The following SLC66A3 variants were observed in gnomAD, a reference collection of about 807,000 sequenced individuals.
The protein encoded by SLC66A3 is PQ loop repeat containing 3.
In SLC66A3, 23 loss-of-function variants were observed where a neutral mutation model predicts 25.5. The ratio of observed to expected loss-of-function variants is 0.90; its 90% CI spans 0.65 to 1.28. SLC66A3 has a LOEUF of 1.28. SLC66A3 is among the 50% of genes most tolerant of loss of function. SLC66A3 has a pLI of 0.00. For synonymous variants in SLC66A3, 108 were observed against 112.6 expected (o/e 0.96, Z 0.26); for missense variants, 246 against 262.1 (o/e 0.94, Z 0.42).
intron 4 of SLC66A3, among the ~76,000 whole-genome samples, chr2:11,165,315 G>A (rs888018256): frequency 6.7e-6 from 1 of 149,962 alleles, no homozygotes; most frequent in East Asian, 2.0e-4. Flanking sequence ...GGGCGGCGGG[G>A]CAGAGGCGCT....
intron 5 of SLC66A3, among the ~76,000 whole-genome samples, chr2:11,172,474 G>A (rs988133832): frequency 6.6e-6 from 1 of 152,146 alleles, no homozygotes. Flanking sequence ...ACATTGTTTG[G>A]TCTCAACTTT....
intron 6 of SLC66A3, among the ~76,000 whole-genome samples, chr2:11,175,755 G>T (rs1445405944): frequency 1.3e-5 from 2 of 152,202 alleles, no homozygotes; most frequent in African/African-American, 2.4e-5. Flanking sequence ...AATTCCTTAG[G>T]CTGTTTTCAA....
rs770369205 is a variant in SLC66A3 at position 11,177,989 on chromosome 2, T to G, written c.*161T>G. 1.7e-6 allele frequency: 1 copy of G among 586,612 alleles called. No individual in the cohort carries two copies. Among genetic ancestry groups the G allele is most frequent in the Non-Finnish European group, 3.0e-6 (1 of 336,096 alleles). 36.3% of individuals were successfully genotyped at this position (586,612 alleles called of 1,614,324 possible). On this transcript the variant is annotated 3_prime_UTR_variant, in exon 7 of 7. Coordinates refer to ENST00000295083, the MANE Select transcript of SLC66A3 (RefSeq NM_152391.5). ...TTGAAAGAAAGAGCCACTTAAATTCTTGTTTAAAAATACCAATTTGCCTCC... is the reference window on the plus strand; with the variant it reads ...TTGAAAGAAAGAGCCACTTAAATTCGTGTTTAAAAATACCAATTTGCCTCC...
chr2:11,164,230 C>A lies in SLC66A3; in HGVS notation c.323C>A (p.Ala108Asp). The A allele has an allele frequency of 6.3e-7, 1 of 1,576,354 alleles. No individual in the cohort carries two copies. The highest frequency in any genetic ancestry group is 8.6e-7 in the Non-Finnish European group (1 of 1,164,370). Residue 108 changes from alanine to aspartate, a missense_variant, in exon 4 of 7, where the codon GCC becomes GAC. Ala to Asp is a moderately radical substitution (Grantham distance 126). Around this residue, in one of 3 missense-constraint regions of SLC66A3, gnomAD observed 11 missense variants for 29.2 expected, o/e 0.38. Coordinates refer to ENST00000295083, the MANE Select transcript of SLC66A3 (RefSeq NM_152391.5). ...AVLVSSWFIL[A>D]LQKWIIDLAM... The stretch of plus-strand genomic sequence containing the variant: ...TTGGTGTCTTCTTGGTTCATCCTTG[C>A]CCTGCAGAAGTGGATCATAGACCTG...
chr2:11,167,104 G>C (rs1662372422), intron 4 of SLC66A3, among the ~76,000 whole-genome samples: 1 of 152,222 alleles, frequency 6.6e-6, no homozygotes, highest in South Asian at 2.1e-4. Flanking sequence ...GCAGCTGTGA[G>C]CCTTCACCCC....
rs946970000 is a variant in SLC66A3, at chr2:11,160,047, G to C, written c.144-419G>C. Among the ~76,000 whole-genome samples the C allele has an allele frequency of 2.0e-5, 3 of 152,342 alleles. No individual in the cohort carries two copies. The East Asian group carries it at 5.8e-4, about 29-fold the overall frequency. ...CTCCTCGGATCCTTGCGCCTCTGCAGCTTCTCAGAGTGGAGGGCAGATGTG... is the reference window on the plus strand; with the variant it reads ...CTCCTCGGATCCTTGCGCCTCTGCACCTTCTCAGAGTGGAGGGCAGATGTG... On this transcript the variant is annotated intron_variant, in intron 1 of 6. Transcript: ENST00000295083.
At chr2:11,172,664 C>A in intron 5 of SLC66A3, 1 of 350,782 alleles carries the variant, frequency 2.9e-6, no homozygotes. Context: ...ATGTCTCCAT[C>A]CATGGTTGCT....
At chr2:11,166,826 C>T (rs1354243311) in intron 4 of SLC66A3, among the ~76,000 whole-genome samples, 1 of 152,190 alleles carries the variant, frequency 6.6e-6, no homozygotes, top group Non-Finnish European at 1.5e-5. Context: ...ACCCCGGAGG[C>T]GGAGCTTGCA....
At chr2:11,168,675 G>A (rs1027598058) in intron 4 of SLC66A3, among the ~76,000 whole-genome samples, 1 of 151,992 alleles carries the variant, frequency 6.6e-6, no homozygotes, top group African/African-American at 2.4e-5. Context: ...CCTCTGCTCT[G>A]TCCAGGTCTC....
At position 11,160,216 on chromosome 2, in the gene SLC66A3, AG is replaced by A. The variant is rs561536881; in HGVS notation, c.144-248del. The A allele has an allele frequency of 2.4e-3, 1,376 of 571,382 alleles. 3 individuals are homozygous for A. Among genetic ancestry groups the A allele is most frequent in the Non-Finnish European group, 3.5e-3 (1,128 of 320,628 alleles). The allele number at this position is 571,382 out of a possible 1,614,324, so 35.4% of individuals were successfully genotyped here. A position where few individuals can be genotyped will look rare whatever the true frequency, so the allele number is the denominator to read the frequency against. On this transcript the variant is annotated intron_variant, in intron 1 of 6. Transcript: ENST00000295083. ...AAATCCTTTGTAAGCGACCATCTCAAGGCACTCTATAGAGATCGTGGGTATT... is the reference window on the plus strand; with the variant it reads ...AAATCCTTTGTAAGCGACCATCTCAAGCACTCTATAGAGATCGTGGGTATT...
chr2:11,160,365 T>C (rs1662072681), intron 1 of SLC66A3, 101 bp from the exon 2 acceptor site: 6 of 971,332 alleles, frequency 6.2e-6, no homozygotes, highest in Non-Finnish European at 1.0e-5. Context: ...ACACCCCCAC[T>C]GCAAGGATTC....
At chr2:11,176,525 C>CTTTTT (rs775778444) in intron 6 of SLC66A3, among the ~76,000 whole-genome samples, 4 of 87,302 alleles carry the variant, frequency 4.6e-5, no homozygotes, top group South Asian at 5.0e-4. Context: ...CTGGGAATAA[C>CTTTTT]TTTTTTTTTT....
Position 11,155,558 on chromosome 2 carries a change from G to A in SLC66A3, c.12G>A (p.Ala4=), listed in dbSNP as rs1661858926. Residue 4 remains alanine (A), a synonymous_variant, in exon 1 of 7, where the codon GCG becomes GCA. Coordinates refer to ENST00000295083, the MANE Select transcript of SLC66A3 (RefSeq NM_152391.5). ...GCGCCCGTGGCGCTATGGAGGCGGC[G>A]CTGCTGGGGCTGTGTAACTGGAGCA... The part of the protein sequence containing the change: MEA[A]LLGLCNWSTL... 1.3e-6 allele frequency: 2 copies of A among 1,502,920 alleles called. No homozygotes were observed. The highest frequency in any genetic ancestry group is 1.8e-6 in the Non-Finnish European group (2 of 1,134,962). The allele number at this position is 1,502,920 out of a possible 1,614,324, so 93.1% of individuals were successfully genotyped here. A position where few individuals can be genotyped will look rare whatever the true frequency, so the allele number is the denominator to read the frequency against.
intron 5 of SLC66A3, among the ~76,000 whole-genome samples, chr2:11,174,489 T>TTTTTGTTTTG (rs917051343): frequency 6.6e-6 from 1 of 152,048 alleles, no homozygotes; most frequent in African/African-American, 2.4e-5. Flanking sequence ...GCATGGCTGT[T>TTTTTGTTTTG]TTTTGTTTTG....
At chr2:11,162,667 T>C (rs763825410) in intron 3 of SLC66A3, among the ~76,000 whole-genome samples, 1 of 152,186 alleles carries the variant, frequency 6.6e-6, no homozygotes, top group African/African-American at 2.4e-5. Context: ...AGTGCAGTGG[T>C]GCCATCTCAG....
At chr2:11,161,056 C>T (rs150149114) in intron 3 of SLC66A3, among the ~76,000 whole-genome samples, 64 of 152,262 alleles carry the variant, frequency 4.2e-4, no homozygotes, top group East Asian at 3.3e-3. Context: ...GAGTATCCGG[C>T]GCCTCTCAAG....
intron 6 of SLC66A3, 95 bp downstream of exon 6, chr2:11,175,104 G>A (rs878989569): frequency 2.2e-6 from 2 of 894,474 alleles, no homozygotes; most frequent in South Asian, 3.4e-5. Flanking sequence ...GATGGACTTG[G>A]CTCTGTTGGA....
rs1662823811 is a variant in SLC66A3, at chr2:11,177,945, G to C, written c.*117G>C. On this transcript the variant is annotated 3_prime_UTR_variant, in exon 7 of 7. Transcript: ENST00000295083. Reference sequence around the variant, plus strand: ...AGTAAATCAGTTTATAATCTTTAAAGCCAAAGGTTTTTTTAGACTTGAAAG... The same window carrying C: ...AGTAAATCAGTTTATAATCTTTAAACCCAAAGGTTTTTTTAGACTTGAAAG... 1.5e-6 allele frequency: 1 copy of C among 669,198 alleles called. No homozygotes were observed. The highest frequency in any genetic ancestry group is 3.1e-5 in the Admixed American group (1 of 32,588). 41.5% of individuals were successfully genotyped at this position (669,198 alleles called of 1,614,324 possible).
At chr2:11,159,183 T>C (rs1381151195) in intron 1 of SLC66A3, among the ~76,000 whole-genome samples, 1 of 152,056 alleles carries the variant, frequency 6.6e-6, no homozygotes, top group African/African-American at 2.4e-5. Flanking sequence ...CCCCATAGCT[T>C]TTGTTCTTCA....
Sources: gnomAD v4.1 joint callset for allele counts (sites outside exome capture counted in the v4.1 genomes callset) on GRCh38, gnomAD v4.1.1 for gene constraint, gnomAD v4.1.1 regional missense constraint, MANE v1.5 for transcripts, NCBI Gene and HGNC (gene_info 2026-07-23, HGNC 2026-07-21) for gene names.